The following TMEM39B variants were observed in gnomAD, a reference collection of about 807,000 sequenced individuals.
TMEM39B encodes transmembrane protein 39B.
Under a neutral mutation model 52.2 loss-of-function variants are expected in TMEM39B, and 23 were observed. The ratio of observed to expected loss-of-function variants is 0.44; its 90% CI spans 0.32 to 0.62. TMEM39B has a LOEUF of 0.62. Among genes scored for constraint, TMEM39B ranks in the 20% least tolerant of loss-of-function variants. TMEM39B has a pLI of 0.06. For missense variants in TMEM39B, 547 were observed against 642.0 expected, an observed-to-expected ratio of 0.85 and a Z score of 1.60; for synonymous variants, 285 against 264.0, an observed-to-expected ratio of 1.08 and a Z score of -0.77.
chr1:32,102,293 C>T, intron 8 of TMEM39B, 138 bp from the exon 9 acceptor site: 1 of 1,192,632 alleles, frequency 8.4e-7, no homozygotes, highest in Non-Finnish European at 1.2e-6. Flanking sequence ...ACATCCAACC[C>T]CAGAAAGTCT....
intron 2 of TMEM39B, 76 bp from the exon 3 acceptor site, chr1:32,075,527 C>A: frequency 6.9e-7 from 1 of 1,440,542 alleles, no homozygotes; most frequent in Non-Finnish European, 9.4e-7. Flanking sequence ...TCTTATCCCA[C>A]AATCCTTTGC....
At chr1:32,099,401 G>A (rs764085660) in intron 7 of TMEM39B, among the ~76,000 whole-genome samples, 37 of 152,066 alleles carry the variant, frequency 2.4e-4, no homozygotes, top group Non-Finnish European at 5.1e-4. Context: ...CACCAATGTG[G>A]CACATGTATA....
Position 32,077,186 on chromosome 1 carries a change from C to G in TMEM39B, c.458C>G (p.Ser153Cys). The G allele has an allele frequency of 6.2e-7, 1 of 1,614,158 alleles. No individual in the cohort carries two copies. Among genetic ancestry groups the G allele is most frequent in the Non-Finnish European group, 8.5e-7 (1 of 1,180,028 alleles). ...CAGGCCTCTCAGAGGGGGAAGGTCT[C>G]CCTCTTTCGCTCCATCCTGCTGTTC... is the stretch of plus-strand genomic sequence containing the variant. ...VKEASQRGKV[S>C]LFRSILLFLT... is the part of the protein sequence containing the mutation. The change falls in exon 5 of 9, where the codon TCC becomes TGC. Residue 153 changes from serine (S) to cysteine (C), a missense_variant. Physicochemically the swap from Ser to Cys is moderately radical, Grantham distance 112. Coordinates refer to ENST00000336294, the MANE Select transcript of TMEM39B (RefSeq NM_018056.4).
At chr1:32,073,691 G>C (rs1309388243) in intron 1 of TMEM39B, 25 of 985,350 alleles carry the variant, frequency 2.5e-5, no homozygotes, top group Non-Finnish European at 3.0e-5. Context: ...AGAGCTTCTG[G>C]TCTGGGGGTT....
chr1:32,080,167 C>A (rs1387773518), intron 5 of TMEM39B, among the ~76,000 whole-genome samples: 1 of 151,942 alleles, frequency 6.6e-6, no homozygotes, highest in African/African-American at 2.4e-5. Context: ...TGATTACAGG[C>A]GTGAGCCACC....
At chr1:32,078,745 A>G (rs535029489) in intron 5 of TMEM39B, among the ~76,000 whole-genome samples, 1 of 151,550 alleles carries the variant, frequency 6.6e-6, no homozygotes, top group Admixed American at 6.6e-5. Flanking sequence ...GATTCAAGCA[A>G]TTTTCCTGCC....
chr1:32,086,376 C>T (rs1235631106), intron 5 of TMEM39B, among the ~76,000 whole-genome samples: 2 of 152,080 alleles, frequency 1.3e-5, no homozygotes, highest in Non-Finnish European at 2.9e-5. Context: ...AGCTACTAGC[C>T]CCCCTGGTTA....
intron 1 of TMEM39B, chr1:32,073,814 G>C (rs1224305985): frequency 1.2e-5 from 12 of 985,324 alleles, no homozygotes; most frequent in Non-Finnish European, 1.4e-5. Context: ...ACGCTTCCGA[G>C]CTGAGATGCT....
chr1:32,081,397 G>GAGTC (rs1414078248), intron 5 of TMEM39B, among the ~76,000 whole-genome samples: 1 of 151,816 alleles, frequency 6.6e-6, no homozygotes, highest in Non-Finnish European at 1.5e-5. Flanking sequence ...TCAGCCTTCT[G>GAGTC]AGTAGTTGGA....
rs138878956 is a variant in TMEM39B at position 32,077,258 on chromosome 1, G to A, written c.530G>A (p.Arg177Gln). The A allele has an allele frequency of 6.2e-6, 10 of 1,613,976 alleles. 1 individual carries two copies. Among genetic ancestry groups the A allele is most frequent in the Middle Eastern group, 1.6e-4 (1 of 6,084 alleles). ...VLTATGWSLC[R>Q]SLIHLFRTYS... is the part of the protein sequence containing the mutation. ...ACGGCAACAGGCTGGAGTCTGTGCC[G>A]ATCCCTCATCCACCTCTTCAGGACC... is the stretch of plus-strand genomic sequence containing the variant. The change falls in exon 5 of 9, where the codon CGA becomes CAA. Residue 177 changes from arginine to glutamine, a missense_variant. Transcript: ENST00000336294.
chr1:32,102,858 T>C lies in TMEM39B; in HGVS notation c.*185T>C, dbSNP rs1569966848. The C allele has an allele frequency of 1.7e-6, 1 of 597,724 alleles. No individual in the cohort carries two copies. The highest frequency in any genetic ancestry group is 2.6e-6 in the Non-Finnish European group (1 of 387,380). 37.0% of individuals were successfully genotyped at this position (597,724 alleles called of 1,614,324 possible). On this transcript the variant is annotated 3_prime_UTR_variant, in exon 9 of 9. Coordinates refer to ENST00000336294, the MANE Select transcript of TMEM39B (RefSeq NM_018056.4). ...AAGGAAAAAAGTCCTATTTTTATAC[T>C]CCCAACAAGCCTGTGTCCTGTGGTT...
In TMEM39B at chr1:32,097,333, C is replaced by CT. The variant is rs1033574033; in HGVS notation, c.1115+2377dup. 4.8e-3 allele frequency among the ~76,000 whole-genome samples: 667 copies of CT among 138,972 alleles called. 3 individuals are homozygous for CT. The highest frequency in any genetic ancestry group is 0.013 in the African/African-American group (497 of 38,118). The allele number at this position is 138,972 out of a possible 152,430, so 91.2% of individuals were successfully genotyped here. A position where few individuals can be genotyped will look rare whatever the true frequency, so the allele number is the denominator to read the frequency against. ...TAAATGAAATCGTGTCCAACTTCTT[C>CT]TTTTTTTTTTTTTTTGCTACAGAGT... On this transcript the variant is annotated intron_variant, in intron 7 of 8. Coordinates refer to ENST00000336294, the MANE Select transcript of TMEM39B (RefSeq NM_018056.4).
At position 32,075,721 on chromosome 1, in the gene TMEM39B, CTCT is replaced by C; in HGVS notation, c.257_259del (p.Phe86del). 3 of 1,551,738 alleles carry C rather than the reference CTCT, an allele frequency of 1.9e-6. No homozygotes were observed. Among genetic ancestry groups the C allele is most frequent in the Non-Finnish European group, 2.6e-6 (3 of 1,147,010 alleles). ...GGCCAGCATTCTGTTTGAGTTGCAG[CTCT>C]TCTTCTGCCAGCTCATAGCACTCTT... On this transcript the variant is annotated inframe_deletion, in exon 3 of 9. Coordinates refer to ENST00000336294, the MANE Select transcript of TMEM39B (RefSeq NM_018056.4).
intron 1 of TMEM39B, 82 bp from the exon 2 acceptor site, chr1:32,074,869 G>C (rs1333379518): frequency 6.9e-7 from 1 of 1,443,850 alleles, no homozygotes; most frequent in Non-Finnish European, 9.3e-7. Context: ...GAGATACTAG[G>C]TGACTGGCAG....
In TMEM39B at chr1:32,102,430, G is replaced by C; in HGVS notation, c.1237-1G>C. Reference sequence around the variant, plus strand: ...AGCCATGCCCACCCGCTTCCGGGCAGTTCTTTTTCAGCAAACCCCTGCGGA... The same window carrying C: ...AGCCATGCCCACCCGCTTCCGGGCACTTCTTTTTCAGCAAACCCCTGCGGA... On this transcript the variant is annotated splice_acceptor_variant, in intron 8 of 8. Transcript: ENST00000336294. LOFTEE classifies it high-confidence loss of function. 6.2e-7 allele frequency: 1 copy of C among 1,613,416 alleles called. No individual in the cohort carries two copies. The highest frequency in any genetic ancestry group is 8.5e-7 in the Non-Finnish European group (1 of 1,179,588).
In TMEM39B at chr1:32,075,839, GGTGTGTGT is replaced by G. The variant is rs3831938; in HGVS notation, c.351+35_351+42del. On this transcript the variant is annotated intron_variant, in intron 3 of 8. Transcript: ENST00000336294. ...ACCTCCCTGGTAGGTACCCAACAAGGGTGTGTGTGTGTGTGTGTGTGTGTGCGTGTGTG... is the reference window on the plus strand; with the variant it reads ...ACCTCCCTGGTAGGTACCCAACAAGGGTGTGTGTGTGTGTGTGCGTGTGTG... 17 of 1,260,948 alleles carry G rather than the reference GGTGTGTGT, an allele frequency of 1.3e-5. No homozygotes were observed. The highest frequency in any genetic ancestry group is 9.3e-5 in the African/African-American group (6 of 64,458). The allele number at this position is 1,260,948 out of a possible 1,614,324, so 78.1% of individuals were successfully genotyped here.
At chr1:32,093,919 C>T (rs1320231211) in intron 6 of TMEM39B, among the ~76,000 whole-genome samples, 7 of 148,904 alleles carry the variant, frequency 4.7e-5, no homozygotes, top group Admixed American at 1.4e-4. Flanking sequence ...CCCGGGTTCA[C>T]GCCATTCTTC....
intron 4 of TMEM39B, 71 bp from the exon 5 acceptor site, chr1:32,077,093 G>T: frequency 6.3e-7 from 1 of 1,586,070 alleles, no homozygotes; most frequent in South Asian, 1.1e-5. Context: ...GGTCATGCTG[G>T]GTGGGATTTG....
rs1358988525 is a variant in TMEM39B at position 32,076,791 on chromosome 1, T to C, written c.380T>C (p.Leu127Pro). 2 of 1,614,038 alleles carry C rather than the reference T, an allele frequency of 1.2e-6. No homozygotes were observed. The highest frequency in any genetic ancestry group is 1.7e-6 in the Non-Finnish European group (2 of 1,180,030). The change falls in exon 4 of 9, where the codon CTG becomes CCG. Residue 127 changes from leucine to proline, a missense_variant. Leu to Pro is a moderately conservative substitution (Grantham distance 98). Coordinates refer to ENST00000336294, the MANE Select transcript of TMEM39B (RefSeq NM_018056.4). ...LNFHLIDFNL[L>P]MVTTIVLGRR... ...TTCCATCTGATCGACTTCAACTTGCTGATGGTGACCACCATCGTTCTGGGC... is the reference window on the plus strand; with the variant it reads ...TTCCATCTGATCGACTTCAACTTGCCGATGGTGACCACCATCGTTCTGGGC...
Sources: gnomAD v4.1 joint callset for allele counts (sites outside exome capture counted in the v4.1 genomes callset) on GRCh38, gnomAD v4.1.1 for gene constraint, MANE v1.5 for transcripts, NCBI Gene and HGNC (gene_info 2026-07-23, HGNC 2026-07-21) for gene names.